The following EFCAB13 variants were observed in gnomAD, a reference collection of about 807,000 sequenced individuals.
EFCAB13 encodes the protein EF-hand calcium binding domain 13, also known as EF-hand calcium-binding domain-containing protein 13.
Under a neutral mutation model 110.2 loss-of-function variants are expected in EFCAB13, and 91 were observed. The ratio of observed to expected loss-of-function variants is 0.83; its 90% CI spans 0.70 to 0.98. The LOEUF is 0.98. EFCAB13 is among the 50% of genes least tolerant of loss of function. The pLI, the probability that EFCAB13 is intolerant of heterozygous loss-of-function variation, is 0.00. For synonymous variants in EFCAB13, 323 were observed against 369.9 expected (o/e 0.87, Z 1.45); for missense variants, 968 against 1,119.4 (o/e 0.86, Z 1.93).
intron 8 of EFCAB13, among the ~76,000 whole-genome samples, chr17:47,346,442 C>CCG (rs1555578096): frequency 7.1e-6 from 1 of 140,356 alleles, no homozygotes; most frequent in Non-Finnish European, 1.6e-5. Context: ...TACCCCCCCC[C>CCG]CCATTTATCT....
rs769828155 is a variant in EFCAB13 at position 47,414,876 on chromosome 17, C to T, written c.2451C>T (p.Phe817=). Residue 817 remains phenylalanine, a synonymous_variant, in exon 23 of 25, where the codon TTC becomes TTT. Transcript: ENST00000331493. ...SDNMEVDLKD[F]LMKMKESPHF... is the part of the protein sequence containing the mutation. The stretch of plus-strand genomic sequence containing the variant: ...ATATGGAGGTGGATTTAAAAGATTT[C>T]TTAATGAAAATGAAAGAAAGTCCAC... 22 of 1,607,362 alleles carry T rather than the reference C, an allele frequency of 1.4e-5. No homozygotes were observed. The highest frequency in any genetic ancestry group is 2.7e-5 in the African/African-American group (2 of 74,638).
At chr17:47,372,189 G>A (rs1170340467) in intron 11 of EFCAB13, among the ~76,000 whole-genome samples, 1 of 151,734 alleles carries the variant, frequency 6.6e-6, no homozygotes, top group African/African-American at 2.4e-5. Flanking sequence ...CTTCTTTTGT[G>A]ACTGATTTTT....
chr17:47,400,945 C>T (rs1285006651), intron 17 of EFCAB13, among the ~76,000 whole-genome samples: 2 of 152,084 alleles, frequency 1.3e-5, no homozygotes, highest in East Asian at 3.9e-4. Flanking sequence ...GGAAGGCCAT[C>T]CTGAGTATTA....
At chr17:47,390,857 T>C (rs1471849699) in intron 14 of EFCAB13, among the ~76,000 whole-genome samples, 1 of 152,158 alleles carries the variant, frequency 6.6e-6, no homozygotes, top group Non-Finnish European at 1.5e-5. Flanking sequence ...TGGTGCTTCC[T>C]TAGGTTCAGA....
intron 24 of EFCAB13, among the ~76,000 whole-genome samples, chr17:47,440,201 T>G (rs1905292592): frequency 1.3e-5 from 2 of 152,244 alleles, no homozygotes; most frequent in South Asian, 4.2e-4. Context: ...AAGATGCCAT[T>G]GTAATAATAA....
chr17:47,424,874 C>CTCTTTTTTTTTTTT (rs1904879736), intron 23 of EFCAB13, among the ~76,000 whole-genome samples: 2 of 36,902 alleles, frequency 5.4e-5, no homozygotes, highest in Non-Finnish European at 1.0e-4. Context: ...GGTTGACAAT[C>CTCTTTTTTTTTTTT]TTTTTTTTTT....
chr17:47,395,099 A>G (rs187314569), intron 16 of EFCAB13, among the ~76,000 whole-genome samples: 57 of 152,190 alleles, frequency 3.7e-4, no homozygotes, highest in African/African-American at 1.3e-3. Flanking sequence ...AGTTTAAATT[A>G]TCTTATCTAT....
intron 23 of EFCAB13, among the ~76,000 whole-genome samples, chr17:47,419,996 G>T (rs912880203): frequency 6.6e-6 from 1 of 151,856 alleles, no homozygotes; most frequent in Non-Finnish European, 1.5e-5. Context: ...CTCTGATGCC[G>T]AGCGGAAGCT....
At chr17:47,369,704 T>A (rs774296434) in intron 10 of EFCAB13, 2 of 152,344 alleles carry the variant, frequency 1.3e-5, no homozygotes, top group Non-Finnish European at 2.9e-5. Flanking sequence ...TAAGTAAATT[T>A]TCAGTCTTTT....
At chr17:47,360,668 G>A (rs2065507642) in intron 9 of EFCAB13, among the ~76,000 whole-genome samples, 1 of 152,158 alleles carries the variant, frequency 6.6e-6, no homozygotes, top group Non-Finnish European at 1.5e-5. Context: ...TGTTGCCATT[G>A]CTTTTGGTGT....
At chr17:47,379,117 A>C in intron 13 of EFCAB13, 65 bp from the exon 14 acceptor site, 2 of 1,205,546 alleles carry the variant, frequency 1.7e-6, no homozygotes, top group Non-Finnish European at 2.4e-6. Context: ...GTTGTGTTAA[A>C]ATGTAAATTT....
intron 20 of EFCAB13, among the ~76,000 whole-genome samples, chr17:47,405,287 G>A (rs1405457184): frequency 1.3e-5 from 2 of 152,052 alleles, no homozygotes; most frequent in Non-Finnish European, 2.9e-5. Flanking sequence ...ATATCTTTGT[G>A]CACGTTGCAC....
chr17:47,332,129 G>A (rs1389299216), intron 4 of EFCAB13, among the ~76,000 whole-genome samples: 2 of 152,084 alleles, frequency 1.3e-5, no homozygotes, highest in African/African-American at 4.8e-5. Context: ...GTTTAGTTTT[G>A]TAAGAAACTG....
chr17:47,358,276 T>G (rs2065492133), intron 9 of EFCAB13, among the ~76,000 whole-genome samples: 1 of 151,982 alleles, frequency 6.6e-6, no homozygotes, highest in African/African-American at 2.4e-5. Flanking sequence ...TAGAAACTAG[T>G]AAAAAGATCA....
chr17:47,350,772 A>C (rs534492939), intron 9 of EFCAB13, among the ~76,000 whole-genome samples: 2 of 152,248 alleles, frequency 1.3e-5, no homozygotes, highest in South Asian at 4.1e-4. Flanking sequence ...AAGTGGTTGG[A>C]AAGGGTATTC....
chr17:47,386,587 C>T (rs896614021), intron 14 of EFCAB13, among the ~76,000 whole-genome samples: 1 of 152,112 alleles, frequency 6.6e-6, no homozygotes, highest in African/African-American at 2.4e-5. Context: ...GAGTGGGTCC[C>T]GCTGAGCGAG....
intron 5 of EFCAB13, among the ~76,000 whole-genome samples, chr17:47,338,020 A>G (rs1043595978): frequency 6.6e-6 from 1 of 152,178 alleles, no homozygotes; most frequent in African/African-American, 2.4e-5. Flanking sequence ...TAATTTAAAG[A>G]GGTCTTGCAT....
intron 16 of EFCAB13, 38 bp downstream of exon 16, chr17:47,394,137 C>T (rs781296805): frequency 7.5e-7 from 1 of 1,328,374 alleles, no homozygotes; most frequent in Non-Finnish European, 1.0e-6. Context: ...TTTTGTGGAC[C>T]AAATAGTTTG....
chr17:47,414,022 T>G (rs1904335173), intron 22 of EFCAB13, among the ~76,000 whole-genome samples: 1 of 152,152 alleles, frequency 6.6e-6, no homozygotes, highest in African/African-American at 2.4e-5. Flanking sequence ...TGGACCTCAG[T>G]TCCCAGTTAA....
Sources: gnomAD v4.1 joint callset for allele counts (sites outside exome capture counted in the v4.1 genomes callset) on GRCh38, gnomAD v4.1.1 for gene constraint, MANE v1.5 for transcripts, NCBI Gene and HGNC (gene_info 2026-07-23, HGNC 2026-07-21) for gene names.